Variants in CDH23 observed in about 807,000 individuals in gnomAD.
The protein encoded by CDH23 is cadherin-23.
In CDH23, 189 loss-of-function variants were observed where a neutral mutation model predicts 317.1. The observed-to-expected ratio is 0.60, with a 90% confidence interval of 0.53 to 0.67. The LOEUF is 0.67. Among genes scored for constraint, CDH23 ranks in the 30% least tolerant of loss-of-function variants. CDH23 has a pLI of 0.00. For missense variants in CDH23, 4,401 were observed against 4,592.4 expected (o/e 0.96, Z 1.20); for synonymous variants, 1,839 against 1,876.8 (o/e 0.98, Z 0.52).
At chr10:71,693,039 C>G (rs1423449014) in intron 20 of CDH23, among the ~76,000 whole-genome samples, 1 of 152,222 alleles carries the variant, frequency 6.6e-6, no homozygotes, top group Non-Finnish European at 1.5e-5. Context: ...TGGGAAGGGC[C>G]ATAATCAGAA....
At chr10:71,434,465 C>T (rs1247386574) in intron 1 of CDH23, among the ~76,000 whole-genome samples, 1 of 152,200 alleles carries the variant, frequency 6.6e-6, no homozygotes, top group African/African-American at 2.4e-5. Flanking sequence ...TCCCCCACTG[C>T]CTGAAGCCTC....
At chr10:71,597,435 T>A (rs115152242) in intron 9 of CDH23, among the ~76,000 whole-genome samples, 2,061 of 152,076 alleles carry the variant, frequency 0.014, 62 homozygotes, top group African/African-American at 0.048. Context: ...GCCCCAGCTG[T>A]CCTCACCATT....
chr10:71,725,588 G>A, intron 30 of CDH23, 68 bp downstream of exon 30: 1 of 1,536,788 alleles, frequency 6.5e-7, no homozygotes, highest in South Asian at 1.2e-5. Flanking sequence ...GAACAGAGAA[G>A]GCCATTAGTT....
chr10:71,575,654 C>A (rs1046621078), intron 8 of CDH23, among the ~76,000 whole-genome samples: 7 of 152,240 alleles, frequency 4.6e-5, no homozygotes, highest in African/African-American at 1.7e-4. Flanking sequence ...CTGGCGCACA[C>A]CCCAGCTGGA....
chr10:71,806,028 G>GGGGGT, intron 56 of CDH23, 31 bp downstream of exon 56: 1 of 1,155,142 alleles, frequency 8.7e-7, no homozygotes, highest in Non-Finnish European at 1.3e-6. Flanking sequence ...GAGGGGCGGG[G>GGGGGT]TCTGGGGCGG....
intron 53 of CDH23, among the ~76,000 whole-genome samples, chr10:71,802,650 T>TA (rs1841588769): frequency 6.6e-6 from 1 of 152,172 alleles, no homozygotes; most frequent in African/African-American, 2.4e-5. Flanking sequence ...TAACCACTGT[T>TA]CTAGTTGTTG....
At chr10:71,582,204 G>A (rs1858686601) in intron 9 of CDH23, among the ~76,000 whole-genome samples, 1 of 152,188 alleles carries the variant, frequency 6.6e-6, no homozygotes, top group South Asian at 2.1e-4. Context: ...ACAGGCTCTG[G>A]AGCCGCTGTC....
At chr10:71,507,439 C>G (rs2132187177) in intron 3 of CDH23, among the ~76,000 whole-genome samples, 1 of 152,326 alleles carries the variant, frequency 6.6e-6, no homozygotes, top group South Asian at 2.1e-4. Context: ...CACCTGTAAT[C>G]CCAGCACTTT....
intron 68 of CDH23, 30 bp from the exon 69 acceptor site, chr10:71,813,214 T>C: frequency 6.5e-7 from 1 of 1,540,302 alleles, no homozygotes; most frequent in Non-Finnish European, 8.8e-7. Flanking sequence ...GGGAGGGCCT[T>C]GGTGGGGGTT....
intron 6 of CDH23, among the ~76,000 whole-genome samples, chr10:71,566,302 T>C (rs1288620835): frequency 6.6e-6 from 1 of 152,094 alleles, no homozygotes; most frequent in Non-Finnish European, 1.5e-5. Context: ...CTTTCCAGCC[T>C]GACCAGGGGC....
At chr10:71,403,307 TTC>T (rs1219574916) in intron 1 of CDH23, among the ~76,000 whole-genome samples, 20 of 148,864 alleles carry the variant, frequency 1.3e-4, no homozygotes, top group South Asian at 8.5e-4. Context: ...TGCTTTCTCT[TTC>T]TCTTTCTTCC....
At chr10:71,785,122 G>T (rs774031995) in intron 43 of CDH23, 22 bp downstream of exon 43, 25 of 1,597,410 alleles carry the variant, frequency 1.6e-5, no homozygotes, top group Non-Finnish European at 2.1e-5. Context: ...ACTGACCCCA[G>T]GGAGCTTCCC....
Position 71,730,469 on chromosome 10 carries a change from G to C in CDH23, c.3580G>C (p.Val1194Leu), listed in dbSNP as rs1839334151. 6.2e-7 allele frequency: 1 copy of C among 1,613,614 alleles called. No homozygotes were observed. Among genetic ancestry groups the C allele is most frequent in the Non-Finnish European group, 8.5e-7 (1 of 1,179,824 alleles). Residue 1194 changes from valine (V) to leucine (L), a missense_variant and splice_region_variant, in exon 31 of 70, where the codon GTG becomes CTG. Coordinates refer to ENST00000224721, the MANE Select transcript of CDH23 (RefSeq NM_022124.6). Reference sequence around the variant, plus strand: ...TGCACCCCTGGCCCGGCTCCCACAGGTGATTGTGTACGTGGAGGACATCAA... The same window carrying C: ...TGCACCCCTGGCCCGGCTCCCACAGCTGATTGTGTACGTGGAGGACATCAA... ...DLGPMRSSVR[V>L]IVYVEDINDE...
chr10:71,724,091 A>G lies in CDH23; in HGVS notation c.3416A>G (p.Tyr1139Cys). The change falls in exon 29 of 70, where the codon TAC (tyrosine) becomes TGC (cysteine). Residue 1139 changes from tyrosine to cysteine, a missense_variant. Physicochemically the swap from Tyr to Cys is radical, Grantham distance 194. Transcript: ENST00000224721. Reference sequence around the variant, plus strand: ...GAGGGCGAGTTTGGGCGTGTGTGGTACCGCATCCTCCATGGTAAGTGGGGC... The same window carrying G: ...GAGGGCGAGTTTGGGCGTGTGTGGTGCCGCATCCTCCATGGTAAGTGGGGC... ...ADEGEFGRVW[Y>C]RILHGNHGNN... 6.4e-7 allele frequency: 1 copy of G among 1,558,868 alleles called. No individual in the cohort carries two copies. Among genetic ancestry groups the G allele is most frequent in the East Asian group, 2.4e-5 (1 of 41,650 alleles).
In CDH23 at chr10:71,799,533, G is replaced by A; in HGVS notation, c.7266G>A (p.Leu2422=). Residue 2422 remains leucine (L), a synonymous_variant, in exon 52 of 70, where the codon CTG becomes CTA. Coordinates refer to ENST00000224721, the MANE Select transcript of CDH23 (RefSeq NM_022124.6). ...FEDVPVGTII[L]TVTATDADSG... ...ATGTGCCTGTGGGCACAATCATCCTGACAGTCACTGCCACTGATGCTGACT... is the reference window on the plus strand; with the variant it reads ...ATGTGCCTGTGGGCACAATCATCCTAACAGTCACTGCCACTGATGCTGACT... The A allele has an allele frequency of 6.2e-7, 1 of 1,614,052 alleles. No individual in the cohort carries two copies. Among genetic ancestry groups the A allele is most frequent in the Non-Finnish European group, 8.5e-7 (1 of 1,179,900 alleles).
chr10:71,662,079 C>G (rs796598764), intron 14 of CDH23, among the ~76,000 whole-genome samples: 8 of 151,432 alleles, frequency 5.3e-5, no homozygotes, highest in African/African-American at 1.9e-4. Flanking sequence ...TTATATTTCC[C>G]GCGTGGGACT....
At chr10:71,587,158 C>A (rs1859130849) in intron 9 of CDH23, among the ~76,000 whole-genome samples, 1 of 152,226 alleles carries the variant, frequency 6.6e-6, no homozygotes, top group South Asian at 2.1e-4. Context: ...CTTAGGGCCG[C>A]ATGGCAAATG....
At chr10:71,398,937 G>A (rs1464852277) in intron 1 of CDH23, among the ~76,000 whole-genome samples, 1 of 152,128 alleles carries the variant, frequency 6.6e-6, no homozygotes, top group Non-Finnish European at 1.5e-5. Flanking sequence ...TGCTGGGTCC[G>A]CATATACTTC....
intron 37 of CDH23, among the ~76,000 whole-genome samples, chr10:71,741,349 C>T (rs905856773): frequency 2.0e-5 from 3 of 152,134 alleles, no homozygotes; most frequent in Non-Finnish European, 2.9e-5. Context: ...GAGTCTAGCT[C>T]TCAGGCCAGA....
Sources: allele counts gnomAD v4.1 joint callset (sites outside exome capture counted in the v4.1 genomes callset), GRCh38; gene constraint gnomAD v4.1.1; transcripts MANE v1.5; gene names NCBI Gene and HGNC (gene_info 2026-07-23, HGNC 2026-07-21).